Variants in NRP2 observed in about 807,000 individuals in gnomAD.
NRP2 encodes neuropilin-2.
Under a neutral mutation model 110.4 loss-of-function variants are expected in NRP2, and 52 were observed. The ratio of observed to expected loss-of-function variants is 0.47; its 90% CI spans 0.38 to 0.59. The LOEUF (loss-of-function observed/expected upper bound fraction) is 0.59, where lower values mean the gene tolerates loss of function less well. Among genes scored for constraint, NRP2 ranks in the 20% least tolerant of loss-of-function variants. The probability of loss-of-function intolerance (pLI) is 0.00; values close to 1 mark genes in which losing one functional copy is unlikely to be tolerated. For synonymous variants in NRP2, 508 were observed against 468.9 expected (o/e 1.08, Z -1.08); for missense variants, 1,049 against 1,203.0 (o/e 0.87, Z 1.89).
chr2:205,726,108 TGA>T, intron 6 of NRP2, 26 bp downstream of exon 6: 1 of 1,613,054 alleles, frequency 6.2e-7, no homozygotes, highest in Non-Finnish European at 8.5e-7. Flanking sequence ...CCAGAGGATG[TGA>T]GAGTGTGTAT....
chr2:205,776,402 A>G, intron 15 of NRP2: 1 of 1,613,620 alleles, frequency 6.2e-7, no homozygotes, highest in Non-Finnish European at 8.5e-7. Context: ...CGGTTCCGCT[A>G]TGCGGCCAAG....
chr2:205,697,216 G>T (rs548390459), intron 1 of NRP2, among the ~76,000 whole-genome samples: 7 of 152,092 alleles, frequency 4.6e-5, no homozygotes, highest in South Asian at 2.1e-4. Context: ...AGGCAGGAAA[G>T]GCAGGGAGGC....
intron 15 of NRP2, among the ~76,000 whole-genome samples, chr2:205,774,681 C>T (rs1263754899): frequency 6.6e-6 from 1 of 152,050 alleles, no homozygotes; most frequent in Non-Finnish European, 1.5e-5. Context: ...TTTTCTATCA[C>T]TTCTGAGAAG....
intron 13 of NRP2, among the ~76,000 whole-genome samples, chr2:205,765,058 A>G (rs2057891803): frequency 6.6e-6 from 1 of 152,142 alleles, no homozygotes; most frequent in African/African-American, 2.4e-5. Flanking sequence ...TATTTCTCAC[A>G]TTACCCCCAC....
rs755359753 is a variant in NRP2, at chr2:205,716,391, G to T, written c.433+17G>T. 1.9e-6 allele frequency: 3 copies of T among 1,612,994 alleles called. No individual in the cohort carries two copies. The highest frequency in any genetic ancestry group is 2.2e-5 in the South Asian group (2 of 91,028). The stretch of plus-strand genomic sequence containing the variant: ...TCAAGACAGGTCAGTGTGGTCACAC[G>T]TAGGGGCCGGGAGATGGGCGTCTTA... On this transcript the variant is annotated intron_variant, in intron 3 of 16. Coordinates refer to ENST00000357785, the MANE Select transcript of NRP2 (RefSeq NM_003872.3).
intron 1 of NRP2, among the ~76,000 whole-genome samples, chr2:205,687,520 G>A (rs7608562): frequency 0.22 from 33,015 of 152,170 alleles, 3,782 homozygotes; most frequent in Admixed American, 0.24. Flanking sequence ...ACAGTGGCAA[G>A]AGGAGCACTC....
At chr2:205,741,254 T>C (rs2057436506) in intron 8 of NRP2, among the ~76,000 whole-genome samples, 1 of 152,240 alleles carries the variant, frequency 6.6e-6, no homozygotes, top group South Asian at 2.1e-4. Flanking sequence ...TAGAGGCTTA[T>C]GGTCCTTGGA....
intron 7 of NRP2, among the ~76,000 whole-genome samples, chr2:205,735,207 A>G (rs971539559): frequency 6.7e-6 from 1 of 149,722 alleles, no homozygotes; most frequent in African/African-American, 2.5e-5. Context: ...GATGAATGGT[A>G]TATAAGAAAA....
intron 3 of NRP2, 27 bp downstream of exon 3, chr2:205,716,401 G>C: frequency 1.2e-6 from 2 of 1,611,892 alleles, no homozygotes; most frequent in African/African-American, 2.7e-5. Context: ...GTAGGGGCCG[G>C]GAGATGGGCG....
intron 15 of NRP2, among the ~76,000 whole-genome samples, chr2:205,781,535 G>A (rs2058173887): frequency 1.3e-5 from 2 of 152,206 alleles, no homozygotes; most frequent in South Asian, 4.1e-4. Flanking sequence ...CTCTGCAGTT[G>A]TTCTGCACAA....
chr2:205,691,915 T>C (rs1478013854), intron 1 of NRP2, among the ~76,000 whole-genome samples: 5 of 152,176 alleles, frequency 3.3e-5, no homozygotes, highest in Admixed American at 2.0e-4. Context: ...AACTTACATT[T>C]TACCGATTAA....
rs544679079 is a variant in NRP2, at chr2:205,723,065, T to A, written c.664+357T>A. On this transcript the variant is annotated intron_variant, in intron 4 of 16. Coordinates refer to ENST00000357785, the MANE Select transcript of NRP2 (RefSeq NM_003872.3). ...CAGAGCCAGACTGGCCGGGCTTAAC[T>A]CCCGGCTCTGCTACTCCCCAGCTGT... Among the ~76,000 whole-genome samples, 3 of 152,322 alleles carry A rather than the reference T, an allele frequency of 2.0e-5. No homozygotes were observed. In the South Asian group the frequency reaches 6.2e-4, roughly 32 times the overall value.
intron 1 of NRP2, 42 bp downstream of exon 1, chr2:205,683,405 C>G: frequency 6.8e-7 from 1 of 1,470,858 alleles, no homozygotes; most frequent in Non-Finnish European, 9.5e-7. Flanking sequence ...AACATGGTTT[C>G]CCCTTTAAAA....
At chr2:205,781,702 T>C (rs991237272) in intron 15 of NRP2, among the ~76,000 whole-genome samples, 2 of 152,190 alleles carry the variant, frequency 1.3e-5, no homozygotes, top group Non-Finnish European at 2.9e-5. Context: ...CTCTCACAGC[T>C]GTAATTTGCC....
intron 15 of NRP2, among the ~76,000 whole-genome samples, chr2:205,786,013 C>T (rs781416245): frequency 6.6e-5 from 10 of 152,154 alleles, no homozygotes; most frequent in South Asian, 2.1e-4. Flanking sequence ...GATAAAGGCT[C>T]TTCTGATGGT....
chr2:205,733,303 T>TA (rs1458970849), intron 7 of NRP2, among the ~76,000 whole-genome samples: 1 of 152,162 alleles, frequency 6.6e-6, no homozygotes, highest in East Asian at 1.9e-4. Flanking sequence ...CTGGCGCTGA[T>TA]AGCCTTGATG....
chr2:205,707,939 C>T (rs868805457), intron 2 of NRP2, among the ~76,000 whole-genome samples: 1 of 152,220 alleles, frequency 6.6e-6, no homozygotes, highest in African/African-American at 2.4e-5. Flanking sequence ...AGGCATGATT[C>T]CTGTTCCCTT....
chr2:205,748,834 T>C (rs907343221), intron 10 of NRP2, among the ~76,000 whole-genome samples: 8 of 152,158 alleles, frequency 5.3e-5, no homozygotes, highest in Non-Finnish European at 1.5e-5. Flanking sequence ...CATAGCTCCA[T>C]TCACTCCCTC....
intron 9 of NRP2, among the ~76,000 whole-genome samples, chr2:205,745,464 C>T (rs1432513902): frequency 6.6e-6 from 1 of 152,202 alleles, no homozygotes; most frequent in East Asian, 1.9e-4. Context: ...CCAGATACTC[C>T]ATTTTAGTCA....
Sources: gnomAD v4.1 joint callset for allele counts (sites outside exome capture counted in the v4.1 genomes callset) on GRCh38, gnomAD v4.1.1 for gene constraint, MANE v1.5 for transcripts, NCBI Gene and HGNC (gene_info 2026-07-23, HGNC 2026-07-21) for gene names.